LIFR: variants seen among roughly 807,000 people sequenced by gnomAD.
LIFR encodes leukemia inhibitory factor receptor.
Under a neutral mutation model 122.2 loss-of-function variants are expected in LIFR, and 84 were observed. The ratio of observed to expected loss-of-function variants is 0.69; its 90% CI spans 0.58 to 0.82. LIFR has a LOEUF of 0.82. LIFR is among the 40% of genes least tolerant of loss of function. The probability of loss-of-function intolerance (pLI) is 0.00; values close to 1 mark genes in which losing one functional copy is unlikely to be tolerated. For missense variants in LIFR, 1,294 were observed against 1,311.6 expected, an observed-to-expected ratio of 0.99 and a Z score of 0.21; for synonymous variants, 422 against 434.7, an observed-to-expected ratio of 0.97 and a Z score of 0.36.
upstream of LIFR, among the ~76,000 whole-genome samples, chr5:38,560,349 C>T (rs190234501): frequency 2.6e-4 from 40 of 152,238 alleles, no homozygotes; most frequent in African/African-American, 9.4e-4. Flanking sequence ...AACATGAAGA[C>T]ATTTGAGAGT....
chr5:38,535,522 G>C (rs1381578251), intron 1 of LIFR, among the ~76,000 whole-genome samples: 3 of 152,126 alleles, frequency 2.0e-5, no homozygotes, highest in African/African-American at 7.2e-5. Flanking sequence ...GACAATGTTA[G>C]AGCTGAGTGG....
chr5:38,575,998 A>G (rs898426757), intron 1 of LIFR, among the ~76,000 whole-genome samples: 3 of 152,116 alleles, frequency 2.0e-5, no homozygotes, highest in African/African-American at 2.4e-5. Context: ...GATACAGAGG[A>G]AGGTGATGGG....
At chr5:38,487,629 C>G (rs73077459) in intron 16 of LIFR, among the ~76,000 whole-genome samples, 1 of 152,120 alleles carries the variant, frequency 6.6e-6, no homozygotes, top group Non-Finnish European at 1.5e-5. Context: ...ATAAAAATTA[C>G]GTAAATATGG....
rs1461687511 is a variant in LIFR at position 38,553,666 on chromosome 5, ATATATATT to A, written c.-20+2660_-20+2667del. On this transcript the variant is annotated intron_variant, in intron 1 of 19. Transcript: ENST00000453190. ...TATATATATATATATATATATATAT[ATATATATT>A]ATATGTATGTATATATTTTAAAAGA... 3.6e-4 allele frequency among the ~76,000 whole-genome samples: 41 copies of A among 114,274 alleles called. 1 individual carries two copies. Among genetic ancestry groups the A allele is most frequent in the African/African-American group, 1.3e-3 (36 of 28,262 alleles). 75.0% of individuals were successfully genotyped at this position (114,274 alleles called of 152,430 possible).
At chr5:38,526,141 G>A (rs1428135705) in intron 4 of LIFR, among the ~76,000 whole-genome samples, 1 of 152,090 alleles carries the variant, frequency 6.6e-6, no homozygotes, top group African/African-American at 2.4e-5. Flanking sequence ...AGACATGTGA[G>A]GACAATGTTA....
At chr5:38,562,559 G>T (rs543957705) in intron 1 of LIFR, among the ~76,000 whole-genome samples, 6 of 152,186 alleles carry the variant, frequency 3.9e-5, no homozygotes, top group Admixed American at 2.6e-4. Flanking sequence ...TCCCTTTTGA[G>T]TGGTGATATT....
intron 1 of LIFR, among the ~76,000 whole-genome samples, chr5:38,552,962 C>T (rs375086452): frequency 1.3e-4 from 20 of 152,236 alleles, no homozygotes; most frequent in African/African-American, 4.8e-4. Flanking sequence ...TGTTGCTAGC[C>T]CCCTGGAGCT....
At chr5:38,545,871 G>GA (rs371497950) in intron 1 of LIFR, among the ~76,000 whole-genome samples, 1,364 of 87,736 alleles carry the variant, frequency 0.016, 16 homozygotes, top group African/African-American at 0.043. Flanking sequence ...CAAAAAAAAA[G>GA]AAAAAAAAAA....
chr5:38,556,898 G>T (rs1280852060), upstream of LIFR: 1 of 151,952 alleles, frequency 6.6e-6, no homozygotes, highest in African/African-American at 2.4e-5. Flanking sequence ...AGAAGGTCAT[G>T]GAAGCGCAGG....
intron 18 of LIFR, among the ~76,000 whole-genome samples, chr5:38,483,632 T>C (rs1332935689): frequency 1.3e-5 from 2 of 152,190 alleles, no homozygotes; most frequent in Admixed American, 6.5e-5. Flanking sequence ...GGTTTCACCA[T>C]GTTGGCCAGG....
chr5:38,576,699 G>C (rs1468331349), intron 1 of LIFR, among the ~76,000 whole-genome samples: 2 of 152,190 alleles, frequency 1.3e-5, no homozygotes, highest in Non-Finnish European at 2.9e-5. Context: ...TTCTTTGGCA[G>C]GTATCACAAT....
chr5:38,497,094 G>T (rs1744922839), intron 12 of LIFR, among the ~76,000 whole-genome samples: 1 of 152,174 alleles, frequency 6.6e-6, no homozygotes, highest in African/African-American at 2.4e-5. Flanking sequence ...TCAGCAGTTC[G>T]AGACCAGCCT....
intron 16 of LIFR, among the ~76,000 whole-genome samples, chr5:38,488,025 T>C (rs955367120): frequency 2.6e-5 from 4 of 152,236 alleles, no homozygotes; most frequent in African/African-American, 7.2e-5. Context: ...TGTGGCTTTA[T>C]TAGAGTTTGG....
chr5:38,528,982 T>TA (rs1356049055), intron 2 of LIFR, 142 bp from the exon 3 acceptor site: 3 of 315,856 alleles, frequency 9.5e-6, no homozygotes, highest in African/African-American at 6.8e-5. Flanking sequence ...AGAGCCCATG[T>TA]TTTTTTTTTT....
At chr5:38,521,015 T>C (rs937665082) in intron 5 of LIFR, among the ~76,000 whole-genome samples, 2 of 152,204 alleles carry the variant, frequency 1.3e-5, no homozygotes, top group African/African-American at 4.8e-5. Flanking sequence ...AATCTAAATG[T>C]GCAGATTGCT....
chr5:38,587,326 AG>A (rs1749782497), intron 1 of LIFR, among the ~76,000 whole-genome samples: 1 of 152,174 alleles, frequency 6.6e-6, no homozygotes, highest in South Asian at 2.1e-4. Flanking sequence ...CGGATAAAAA[AG>A]ATGTTTAAGC....
chr5:38,540,056 C>T (rs1302313055), intron 1 of LIFR, among the ~76,000 whole-genome samples: 2 of 152,046 alleles, frequency 1.3e-5, no homozygotes, highest in African/African-American at 2.4e-5. Flanking sequence ...AGCTCCAGGC[C>T]ATTATACTAA....
chr5:38,504,603 T>G (rs1231194503), intron 9 of LIFR, among the ~76,000 whole-genome samples: 1 of 151,970 alleles, frequency 6.6e-6, no homozygotes, highest in South Asian at 2.1e-4. Context: ...CCAAAAAAAA[T>G]GCAGAAAAGC....
At chr5:38,561,828 C>T (rs1748849029) in intron 1 of LIFR, among the ~76,000 whole-genome samples, 1 of 152,136 alleles carries the variant, frequency 6.6e-6, no homozygotes, top group South Asian at 2.1e-4. Context: ...AGTCATTTTC[C>T]CTTTGGTTCC....
Sources: gnomAD v4.1 joint callset for allele counts (sites outside exome capture counted in the v4.1 genomes callset) on GRCh38, gnomAD v4.1.1 for gene constraint, MANE v1.5 for transcripts, NCBI Gene and HGNC (gene_info 2026-07-23, HGNC 2026-07-21) for gene names.